Variants in ABAT observed in about 807,000 individuals in gnomAD.
ABAT encodes 4-aminobutyrate aminotransferase.
A neutral mutation model predicts 64.6 loss-of-function variants in ABAT; 45 were observed. The observed-to-expected ratio is 0.70, with a 90% CI of 0.55 to 0.89. The LOEUF (loss-of-function observed/expected upper bound fraction) is 0.89, where lower values mean the gene tolerates loss of function less well. ABAT is among the 40% of genes least tolerant of loss of function. The probability of loss-of-function intolerance (pLI) is 0.00; values close to 1 mark genes in which losing one functional copy is unlikely to be tolerated. For synonymous variants in ABAT, 297 were observed against 250.5 expected (o/e 1.19, Z -1.75); for missense variants, 633 against 658.4 (o/e 0.96, Z 0.42).
At chr16:8,702,945 T>C (rs1157533554) in intron 1 of ABAT, among the ~76,000 whole-genome samples, 1 of 152,098 alleles carries the variant, frequency 6.6e-6, no homozygotes, top group Non-Finnish European at 1.5e-5. Flanking sequence ...ATTCTGGATC[T>C]GTTTTCAAGA....
At chr16:8,710,503 G>A (rs891526472) in intron 1 of ABAT, among the ~76,000 whole-genome samples, 6 of 151,928 alleles carry the variant, frequency 3.9e-5, no homozygotes, top group African/African-American at 1.5e-4. Flanking sequence ...TTTGGGAGGC[G>A]AGGTGAGAGG....
intron 1 of ABAT, among the ~76,000 whole-genome samples, chr16:8,682,193 A>ACACACACG (rs2057351010): frequency 8.0e-6 from 1 of 124,922 alleles, no homozygotes; most frequent in Admixed American, 7.7e-5. Context: ...GGATACACAC[A>ACACACACG]CACACACACA....
chr16:8,735,636 G>A (rs1021363838), intron 1 of ABAT, 63 bp from the exon 2 acceptor site: 6 of 1,342,754 alleles, frequency 4.5e-6, no homozygotes, highest in Non-Finnish European at 6.2e-6. Flanking sequence ...GTGGGGATGG[G>A]ATCTTTGGCT....
At position 8,764,843 on chromosome 16, in the gene ABAT, GCACACACA is replaced by G. The variant is rs35745596; in HGVS notation, c.540+28_540+35del. The G allele has an allele frequency of 1.8e-5, 28 of 1,533,126 alleles. No homozygotes were observed. Among genetic ancestry groups the G allele is most frequent in the Admixed American group, 5.1e-5 (3 of 58,838 alleles). The allele number at this position is 1,533,126 out of a possible 1,614,324, so 95.0% of individuals were successfully genotyped here. A position where few individuals can be genotyped will look rare whatever the true frequency, so the allele number is the denominator to read the frequency against. ...CATGTGGTACCGGGTGAGGTTTGGG[GCACACACA>G]CACACACACACACAGGCTCCCCAGC... On this transcript the variant is annotated intron_variant, in intron 8 of 15. Coordinates refer to ENST00000268251, the MANE Select transcript of ABAT (RefSeq NM_020686.6). The surrounding 1 kb of genome is among the most constrained non-coding windows in gnomAD (Gnocchi z 4.2).
chr16:8,703,836 G>C (rs1267446191), intron 1 of ABAT, among the ~76,000 whole-genome samples: 1 of 152,210 alleles, frequency 6.6e-6, no homozygotes, highest in African/African-American at 2.4e-5. Flanking sequence ...GGGCCATGTG[G>C]TTTCTCTTGC....
intron 2 of ABAT, among the ~76,000 whole-genome samples, chr16:8,742,004 T>TC (rs1281866618): frequency 6.6e-6 from 1 of 152,044 alleles, no homozygotes; most frequent in Non-Finnish European, 1.5e-5. Flanking sequence ...ATTTCCCCAT[T>TC]CCCCCCCTTT....
chr16:8,696,766 C>CT (rs2057712515), intron 1 of ABAT, among the ~76,000 whole-genome samples: 1 of 152,176 alleles, frequency 6.6e-6, no homozygotes, highest in Admixed American at 6.5e-5. Context: ...AGCCGGGTGC[C>CT]TGGGGGGCAG....
intron 1 of ABAT, among the ~76,000 whole-genome samples, chr16:8,688,845 A>G (rs146958144): frequency 1.1e-3 from 160 of 152,328 alleles, no homozygotes; most frequent in African/African-American, 3.7e-3. Context: ...TGGGAGGCCA[A>G]GGCAGGTGGA....
At chr16:8,701,864 T>C (rs2142026957) in intron 1 of ABAT, among the ~76,000 whole-genome samples, 1 of 143,918 alleles carries the variant, frequency 6.9e-6, no homozygotes. Context: ...AGCAGGCTCT[T>C]GGGTCAGGCT....
intron 1 of ABAT, among the ~76,000 whole-genome samples, chr16:8,723,340 C>T (rs1248286159): frequency 6.6e-6 from 1 of 152,162 alleles, no homozygotes; most frequent in Non-Finnish European, 1.5e-5. Context: ...GACTTGTGCA[C>T]CAGCAGGGAT....
At chr16:8,737,976 G>GAAA (rs1567295584) in intron 2 of ABAT, among the ~76,000 whole-genome samples, 30 of 71,368 alleles carry the variant, frequency 4.2e-4, no homozygotes, top group South Asian at 1.2e-3. Flanking sequence ...AAGGAAGGAA[G>GAAA]GAAGGAAGGA....
At chr16:8,719,590 C>T (rs2058307496) in intron 1 of ABAT, among the ~76,000 whole-genome samples, 1 of 152,142 alleles carries the variant, frequency 6.6e-6, no homozygotes, top group Non-Finnish European at 1.5e-5. Context: ...CAGCTTCTTT[C>T]TCATGAAATC....
intron 2 of ABAT, among the ~76,000 whole-genome samples, chr16:8,743,423 T>TTATACATATATATATATATATATA (rs2059227157): frequency 2.2e-5 from 1 of 45,296 alleles, no homozygotes; most frequent in African/African-American, 1.2e-4. Context: ...ATGGAAACAG[T>TTATACATATATATATATATATATA]TATATATATA....
At chr16:8,758,764 T>A (rs148600174) in intron 6 of ABAT, among the ~76,000 whole-genome samples, 3,187 of 152,210 alleles carry the variant, frequency 0.021, 119 homozygotes, top group African/African-American at 0.072. Context: ...ATGACACCTG[T>A]CTCTATCCGA....
chr16:8,695,721 C>T (rs746669006), intron 1 of ABAT, among the ~76,000 whole-genome samples: 4 of 152,120 alleles, frequency 2.6e-5, no homozygotes, highest in Non-Finnish European at 5.9e-5. Context: ...AGAAATTTTC[C>T]TTGCATTGGA....
chr16:8,685,053 G>C (rs1458598409), intron 1 of ABAT, among the ~76,000 whole-genome samples: 2 of 152,122 alleles, frequency 1.3e-5, no homozygotes, highest in Non-Finnish European at 2.9e-5. Context: ...GGGAGGCCGA[G>C]GTGGACAGAT....
intron 12 of ABAT, among the ~76,000 whole-genome samples, chr16:8,773,147 C>CACACATAT (rs1239743158): frequency 1.0e-5 from 1 of 98,428 alleles, no homozygotes; most frequent in Non-Finnish European, 2.1e-5. Flanking sequence ...CACACACACA[C>CACACATAT]ATATATATAT....
intron 1 of ABAT, among the ~76,000 whole-genome samples, chr16:8,682,182 A>G (rs564765602): frequency 9.5e-6 from 1 of 105,722 alleles, no homozygotes; most frequent in East Asian, 2.4e-4. Flanking sequence ...TGTGCCTAAC[A>G]GGATACACAC....
chr16:8,724,610 CTT>C (rs2058480034), intron 1 of ABAT, among the ~76,000 whole-genome samples: 1 of 151,828 alleles, frequency 6.6e-6, no homozygotes, highest in Non-Finnish European at 1.5e-5. Context: ...GTGGCATGTG[CTT>C]ATAGTCCCAG....
Sources: allele counts gnomAD v4.1 joint callset (sites outside exome capture counted in the v4.1 genomes callset), GRCh38; gene constraint gnomAD v4.1.1; non-coding constraint Gnocchi (gnomAD v3.1); transcripts MANE v1.5; gene names NCBI Gene and HGNC (gene_info 2026-07-23, HGNC 2026-07-21).